DLGAP2: variants seen among roughly 807,000 people sequenced by gnomAD.
DLGAP2 encodes the protein disks large-associated protein 2.
Under a neutral mutation model 100.3 loss-of-function variants are expected in DLGAP2, and 26 were observed. The ratio of observed to expected loss-of-function variants is 0.26; its 90% CI spans 0.19 to 0.36. DLGAP2 has a LOEUF of 0.36. DLGAP2 is among the 10% of genes least tolerant of loss of function. The probability of loss-of-function intolerance (pLI) is 1.00; values close to 1 mark genes in which losing one functional copy is unlikely to be tolerated. For missense variants in DLGAP2, 1,858 were observed against 1,453.2 expected (o/e 1.28, Z -4.53); for synonymous variants, 886 against 630.1 (o/e 1.41, Z -6.08).
At chr8:1,258,964 A>G in intron 3 of DLGAP2, 81 bp downstream of exon 3, 2 of 1,148,942 alleles carry the variant, frequency 1.7e-6, no homozygotes, top group Non-Finnish European at 1.1e-6. Flanking sequence ...CTACCATGAA[A>G]CGTGTTGGAG....
intron 4 of DLGAP2, among the ~76,000 whole-genome samples, chr8:1,522,550 T>TTCCTTACGTCTTGGTTTTC: frequency 6.6e-6 from 1 of 152,308 alleles, no homozygotes; most frequent in South Asian, 2.1e-4. Context: ...GATCCTTTAC[T>TTCCTTACGTCTTGGTTTTC]TCCTTACGTC....
intron 6 of DLGAP2, among the ~76,000 whole-genome samples, chr8:1,617,853 A>T (rs1163153906): frequency 6.6e-6 from 1 of 152,258 alleles, no homozygotes. Context: ...AAGCAAAAAG[A>T]AATCAGAGGA....
At chr8:765,339 G>T (rs1263331576) in intron 1 of DLGAP2, among the ~76,000 whole-genome samples, 1 of 152,114 alleles carries the variant, frequency 6.6e-6, no homozygotes, top group Non-Finnish European at 1.5e-5. Context: ...TTTCTTTAGT[G>T]TGCAGGTAGT....
intron 1 of DLGAP2, among the ~76,000 whole-genome samples, chr8:764,013 G>C (rs1275220983): frequency 6.6e-6 from 1 of 152,202 alleles, no homozygotes; most frequent in African/African-American, 2.4e-5. Context: ...ATTTTTAAGA[G>C]TCTAGTTTGT....
chr8:1,198,626 C>T (rs1200025528), intron 2 of DLGAP2, among the ~76,000 whole-genome samples: 2 of 152,156 alleles, frequency 1.3e-5, no homozygotes, highest in African/African-American at 2.4e-5. Flanking sequence ...TGGCAGACCC[C>T]AAAAGGCAAG....
intron 6 of DLGAP2, among the ~76,000 whole-genome samples, chr8:1,618,417 C>G (rs764212211): frequency 2.0e-5 from 3 of 152,196 alleles, no homozygotes; most frequent in African/African-American, 4.8e-5. Flanking sequence ...GAGAGCTAGA[C>G]TGTGATGCAT....
At position 1,657,093 on chromosome 8, in the gene DLGAP2, A is replaced by T. The variant is rs187180945; in HGVS notation, c.1811-11236A>T. Among the ~76,000 whole-genome samples the T allele has an allele frequency of 4.0e-3, 598 of 150,540 alleles. 19 individuals carry two copies. The East Asian group carries it at 0.08, about 20-fold the overall frequency. On this transcript the variant is annotated intron_variant, in intron 8 of 14. Coordinates refer to ENST00000637795, the MANE Select transcript of DLGAP2 (RefSeq NM_001346810.2). ...ACAGATACTCATGCTTGGAATAGGTATTTTTTTTTTAAAGAAAGTAGTCAG... is the reference window on the plus strand; with the variant it reads ...ACAGATACTCATGCTTGGAATAGGTTTTTTTTTTTTAAAGAAAGTAGTCAG...
At chr8:1,691,437 C>T in intron 12 of DLGAP2, 98 bp from the exon 13 acceptor site, 1 of 1,012,414 alleles carries the variant, frequency 9.9e-7, no homozygotes, top group Non-Finnish European at 1.5e-6. Flanking sequence ...TTTTCATCTC[C>T]AGTGGGACTC....
intron 1 of DLGAP2, among the ~76,000 whole-genome samples, chr8:873,853 C>A (rs948489395): frequency 1.3e-5 from 2 of 152,242 alleles, no homozygotes; most frequent in East Asian, 1.9e-4. Flanking sequence ...TGGGCCTGAG[C>A]TTTTCTTTGG....
intron 3 of DLGAP2, among the ~76,000 whole-genome samples, chr8:1,390,477 A>G (rs1011396661): frequency 6.6e-6 from 1 of 152,168 alleles, no homozygotes; most frequent in African/African-American, 2.4e-5. Context: ...CCCACCTACA[A>G]GCCCTTCCTG....
In DLGAP2 at chr8:1,626,778, G is replaced by C; in HGVS notation, c.1481G>C (p.Gly494Ala). 6.2e-7 allele frequency: 1 copy of C among 1,603,960 alleles called. No homozygotes were observed. Residue 494 changes from glycine to alanine, a missense_variant, in exon 7 of 15, where the codon GGA becomes GCA. Physicochemically the swap from Gly to Ala is moderately conservative, Grantham distance 60. Coordinates refer to ENST00000637795, the MANE Select transcript of DLGAP2 (RefSeq NM_001346810.2). ...YLQAASDVPV[G>A]HSLDPAANYN... ...CAAGCTGCAAGCGATGTGCCTGTGG[G>C]ACACAGCCTGGACCCCGCTGCGAAC...
At chr8:1,163,670 G>C (rs1250630713) in intron 2 of DLGAP2, among the ~76,000 whole-genome samples, 4 of 152,204 alleles carry the variant, frequency 2.6e-5, no homozygotes, top group South Asian at 4.1e-4. Context: ...GCCGGGGATC[G>C]AGAAAACGCT....
chr8:1,354,660 A>G (rs2129637179), intron 3 of DLGAP2, among the ~76,000 whole-genome samples: 1 of 126,618 alleles, frequency 7.9e-6, no homozygotes, highest in African/African-American at 3.0e-5. Context: ...TGAAGGTGGA[A>G]AGTCACGGAT....
chr8:877,071 C>T (rs2128992615), intron 1 of DLGAP2, among the ~76,000 whole-genome samples: 1 of 149,144 alleles, frequency 6.7e-6, no homozygotes, highest in East Asian at 2.0e-4. Flanking sequence ...TCCTTTGGTT[C>T]TGGGAACATC....
intron 3 of DLGAP2, among the ~76,000 whole-genome samples, chr8:1,349,077 C>T (rs1801640571): frequency 6.6e-6 from 1 of 151,724 alleles, no homozygotes; most frequent in African/African-American, 2.4e-5. Flanking sequence ...CAAGTCACCT[C>T]AGCAGTGTGC....
intron 1 of DLGAP2, among the ~76,000 whole-genome samples, chr8:755,284 C>A (rs1426691174): frequency 1.3e-5 from 2 of 152,082 alleles, no homozygotes; most frequent in African/African-American, 4.8e-5. Context: ...CGTGGCAAAA[C>A]CTTGTATCTA....
At chr8:1,682,299 G>A (rs1309599244) in intron 12 of DLGAP2, among the ~76,000 whole-genome samples, 1 of 152,180 alleles carries the variant, frequency 6.6e-6, no homozygotes, top group Non-Finnish European at 1.5e-5. Context: ...AAGAATGAAA[G>A]TCCCTACAAA....
chr8:1,285,868 G>A (rs1799911437), intron 3 of DLGAP2, among the ~76,000 whole-genome samples: 1 of 152,172 alleles, frequency 6.6e-6, no homozygotes, highest in South Asian at 2.1e-4. Flanking sequence ...ATCCTTGCAA[G>A]GATTACCTGA....
chr8:1,186,051 G>A (rs1486742542), intron 2 of DLGAP2, among the ~76,000 whole-genome samples: 18 of 152,278 alleles, frequency 1.2e-4, no homozygotes, highest in East Asian at 7.8e-4. Flanking sequence ...GTGGCAATGC[G>A]GGCTCTGGAG....
Sources: allele counts gnomAD v4.1 joint callset (sites outside exome capture counted in the v4.1 genomes callset), GRCh38; gene constraint gnomAD v4.1.1; transcripts MANE v1.5; gene names NCBI Gene and HGNC (gene_info 2026-07-23, HGNC 2026-07-21).